Variants in GRID1 observed in about 807,000 individuals in gnomAD.
GRID1 encodes glutamate receptor ionotropic, delta-1.
A neutral mutation model predicts 98.0 loss-of-function variants in GRID1; 28 were observed. That is an observed-to-expected ratio of 0.29 (90% CI 0.21 to 0.39). The LOEUF (loss-of-function observed/expected upper bound fraction) is 0.39, where lower values mean the gene tolerates loss of function less well. Among genes scored for constraint, GRID1 ranks in the 10% least tolerant of loss-of-function variants. The pLI is 1.00. For synonymous variants in GRID1, 553 were observed against 538.5 expected (o/e 1.03, Z -0.37); for missense variants, 1,111 against 1,340.5 (o/e 0.83, Z 2.67).
chr10:86,310,632 C>T (rs757035116), intron 2 of GRID1, among the ~76,000 whole-genome samples: 20 of 152,178 alleles, frequency 1.3e-4, no homozygotes, highest in East Asian at 1.9e-4. Flanking sequence ...CACTGCGCCA[C>T]GCATGGTTTC....
intron 4 of GRID1, among the ~76,000 whole-genome samples, chr10:86,101,633 C>CTTT (rs10596537): frequency 2.9e-5 from 4 of 136,638 alleles, no homozygotes; most frequent in African/African-American, 8.2e-5. Flanking sequence ...TTCATTATTC[C>CTTT]TTTTTTTTTT....
intron 4 of GRID1, among the ~76,000 whole-genome samples, chr10:86,008,469 A>C (rs568075027): frequency 6.6e-6 from 1 of 152,232 alleles, no homozygotes; most frequent in Non-Finnish European, 1.5e-5. Flanking sequence ...GAAGTAAAAA[A>C]GACAAATGGA....
intron 3 of GRID1, among the ~76,000 whole-genome samples, chr10:86,169,767 G>C (rs1345830673): frequency 3.3e-5 from 5 of 152,194 alleles, no homozygotes; most frequent in African/African-American, 1.2e-4. Flanking sequence ...ATTGCTAGAG[G>C]CAAAGCCCTG....
intron 8 of GRID1, among the ~76,000 whole-genome samples, chr10:85,808,478 A>G (rs1410276266): frequency 6.6e-6 from 1 of 152,214 alleles, no homozygotes; most frequent in African/African-American, 2.4e-5. Flanking sequence ...TCACTGACCA[A>G]CTAGGAAAAT....
At chr10:85,625,238 A>T (rs563264939) in intron 13 of GRID1, among the ~76,000 whole-genome samples, 1 of 152,214 alleles carries the variant, frequency 6.6e-6, no homozygotes, top group South Asian at 2.1e-4. Context: ...CATGACACAG[A>T]CAACTAATCC....
At chr10:85,990,781 T>C (rs1842670447) in intron 4 of GRID1, among the ~76,000 whole-genome samples, 1 of 152,170 alleles carries the variant, frequency 6.6e-6, no homozygotes, top group African/African-American at 2.4e-5. Flanking sequence ...CTTTGAGAAG[T>C]CTGAAACAGG....
chr10:85,861,911 C>G (rs772586706), intron 6 of GRID1, among the ~76,000 whole-genome samples: 1 of 152,220 alleles, frequency 6.6e-6, no homozygotes. Flanking sequence ...TTATTTTTAC[C>G]TAGGGAGATG....
At chr10:85,894,501 T>C (rs1564620577) in intron 5 of GRID1, among the ~76,000 whole-genome samples, 1 of 152,154 alleles carries the variant, frequency 6.6e-6, no homozygotes, top group Admixed American at 6.6e-5. Flanking sequence ...AGAAATTATA[T>C]GGGGCAGGAG....
intron 8 of GRID1, among the ~76,000 whole-genome samples, chr10:85,807,986 T>C (rs189263682): frequency 2.0e-5 from 3 of 152,242 alleles, no homozygotes; most frequent in Admixed American, 2.0e-4. Flanking sequence ...GCCCAGGAGA[T>C]ACCTTTATTT....
chr10:85,615,801 G>A lies in GRID1; in HGVS notation c.2361-2154C>T, dbSNP rs1485714155. Among the ~76,000 whole-genome samples, 4 of 152,334 alleles carry A rather than the reference G, an allele frequency of 2.6e-5. No individual in the cohort carries two copies. In the South Asian group the frequency reaches 6.2e-4, roughly 24 times the overall value. On this transcript the variant is annotated intron_variant, in intron 14 of 15. Coordinates refer to ENST00000327946, the MANE Select transcript of GRID1 (RefSeq NM_017551.3). ...CCTTAATAAGTCTCTGCTGGTAGGGGTGAGGAGGCTGAGCCTCCTGGCAGT... is the reference window on the plus strand; with the variant it reads ...CCTTAATAAGTCTCTGCTGGTAGGGATGAGGAGGCTGAGCCTCCTGGCAGT...
intron 4 of GRID1, among the ~76,000 whole-genome samples, chr10:86,131,195 C>T (rs574734959): frequency 5.9e-5 from 9 of 152,184 alleles, no homozygotes; most frequent in East Asian, 3.9e-4. Context: ...CATCCCACCA[C>T]GTCTTCTTAC....
intron 11 of GRID1, among the ~76,000 whole-genome samples, chr10:85,723,852 A>C (rs921551000): frequency 6.6e-6 from 1 of 152,178 alleles, no homozygotes; most frequent in Non-Finnish European, 1.5e-5. Context: ...GAAACTTTGC[A>C]ATTTGTTGCT....
chr10:86,164,249 G>A lies in GRID1; in HGVS notation c.521-25225C>T, dbSNP rs182975201. Among the ~76,000 whole-genome samples the A allele has an allele frequency of 8.5e-3, 1,293 of 152,256 alleles. 8 individuals are homozygous for A. Among genetic ancestry groups the A allele is most frequent in the Middle Eastern group, 0.02 (6 of 294 alleles). ...AATCTGGGGGAGGCTCCAGCCCAGCGACCTGGAACAGCAGCCCAGGAACCA... is the reference window on the plus strand; with the variant it reads ...AATCTGGGGGAGGCTCCAGCCCAGCAACCTGGAACAGCAGCCCAGGAACCA... On this transcript the variant is annotated intron_variant, in intron 3 of 15. Coordinates refer to ENST00000327946, the MANE Select transcript of GRID1 (RefSeq NM_017551.3).
intron 3 of GRID1, among the ~76,000 whole-genome samples, chr10:86,141,188 G>A (rs549864215): frequency 2.6e-5 from 4 of 152,098 alleles, no homozygotes; most frequent in Non-Finnish European, 5.9e-5. Flanking sequence ...ACAATATGGT[G>A]CCTTACACCT....
In GRID1 at chr10:86,281,686, T is replaced by C. The variant is rs564052425; in HGVS notation, c.236-75038A>G. Reference sequence around the variant, plus strand: ...ACCCATGGCCTGAGGCCTAGGACAGTAGTCCTAGGCCTTCATTGGGCATCA... The same window carrying C: ...ACCCATGGCCTGAGGCCTAGGACAGCAGTCCTAGGCCTTCATTGGGCATCA... On this transcript the variant is annotated intron_variant, in intron 2 of 15. Coordinates refer to ENST00000327946, the MANE Select transcript of GRID1 (RefSeq NM_017551.3). 7.2e-5 allele frequency among the ~76,000 whole-genome samples: 11 copies of C among 152,222 alleles called. No homozygotes were observed. The South Asian group carries it at 2.3e-3, about 32-fold the overall frequency.
At chr10:85,937,249 T>A (rs368828620) in intron 4 of GRID1, among the ~76,000 whole-genome samples, 2 of 152,322 alleles carry the variant, frequency 1.3e-5, no homozygotes, top group East Asian at 3.9e-4. Flanking sequence ...AAGATAAAGA[T>A]GGCCTGTGCA....
At chr10:85,957,687 C>T (rs951580337) in intron 4 of GRID1, among the ~76,000 whole-genome samples, 3 of 152,206 alleles carry the variant, frequency 2.0e-5, no homozygotes, top group African/African-American at 7.2e-5. Flanking sequence ...GAATCCCAGA[C>T]AGGATTGGTA....
At chr10:86,181,123 T>C (rs949358979) in intron 3 of GRID1, among the ~76,000 whole-genome samples, 34 of 152,166 alleles carry the variant, frequency 2.2e-4, no homozygotes, top group African/African-American at 7.2e-4. Context: ...CAACCCCCAG[T>C]ACAGGTGCCA....
chr10:85,985,852 G>A (rs933664782), intron 4 of GRID1, among the ~76,000 whole-genome samples: 2 of 152,208 alleles, frequency 1.3e-5, no homozygotes, highest in African/African-American at 4.8e-5. Flanking sequence ...GCTGTTGGCT[G>A]TGTTGTTTCC....
Sources: allele counts gnomAD v4.1 joint callset (sites outside exome capture counted in the v4.1 genomes callset), GRCh38; gene constraint gnomAD v4.1.1; transcripts MANE v1.5; gene names NCBI Gene and HGNC (gene_info 2026-07-23, HGNC 2026-07-21).